The following CD81 variants were observed in gnomAD, a reference collection of about 807,000 sequenced individuals.
CD81 encodes the protein CD81 antigen.
CD81 carries 10 observed loss-of-function variants against 30.1 expected under a neutral mutation model. The observed-to-expected ratio is 0.33, with a 90% confidence interval of 0.21 to 0.56. The LOEUF (loss-of-function observed/expected upper bound fraction) is 0.56, where lower values mean the gene tolerates loss of function less well. Among genes scored for constraint, CD81 ranks in the 20% least tolerant of loss-of-function variants. The pLI, the probability that CD81 is intolerant of heterozygous loss-of-function variation, is 0.89. For missense variants in CD81, 263 were observed against 308.7 expected, an observed-to-expected ratio of 0.85 and a Z score of 1.11; for synonymous variants, 147 against 126.4, an observed-to-expected ratio of 1.16 and a Z score of -1.10.
At chr11:2,395,779 C>T (rs1268002559) in intron 5 of CD81, 90 bp from the exon 6 acceptor site, 37 of 891,614 alleles carry the variant, frequency 4.1e-5, no homozygotes, top group South Asian at 3.3e-4. Context: ...GGGAGCGCTG[C>T]GTACCCCTGG....
chr11:2,382,210 GCC>G (rs1405706085), intron 1 of CD81, among the ~76,000 whole-genome samples: 1 of 152,242 alleles, frequency 6.6e-6, no homozygotes, highest in Non-Finnish European at 1.5e-5. Flanking sequence ...TAAGGCATCT[GCC>G]CCCCACCCCC....
intron 7 of CD81, 38 bp downstream of exon 7, chr11:2,396,752 G>T: frequency 6.2e-7 from 1 of 1,611,644 alleles, no homozygotes. Flanking sequence ...TCTCTGGGCT[G>T]CCCCTTCCGC....
At position 2,397,126 on chromosome 11, in the gene CD81, G is replaced by A; in HGVS notation, c.*260G>A. ...GAGGGCAGGGGTCCTTCTGCCCTGG[G>A]GTCCCAGGGTGCTCTGCCTGCTCAG... On this transcript the variant is annotated 3_prime_UTR_variant, in exon 8 of 8. Transcript: ENST00000263645. The A allele has an allele frequency of 1.1e-5, 6 of 533,836 alleles. No homozygotes were observed. In the East Asian group the frequency reaches 2.0e-4, roughly 17 times the overall value. The allele number at this position is 533,836 out of a possible 1,614,324, so 33.1% of individuals were successfully genotyped here.
At chr11:2,395,572 G>A in intron 5 of CD81, 52 bp downstream of exon 5, 1 of 1,404,118 alleles carries the variant, frequency 7.1e-7, no homozygotes, top group Non-Finnish European at 1.0e-6. Context: ...AACCCGGCGG[G>A]GTGTGTCTCG....
chr11:2,387,982 A>AGG (rs1474300650), intron 1 of CD81, among the ~76,000 whole-genome samples: 1 of 152,200 alleles, frequency 6.6e-6, no homozygotes, highest in Non-Finnish European at 1.5e-5. Flanking sequence ...GTCCTGCTAC[A>AGG]GGGGGACCAT....
intron 1 of CD81, among the ~76,000 whole-genome samples, chr11:2,389,870 C>T (rs1408315025): frequency 1.3e-5 from 2 of 152,228 alleles, no homozygotes; most frequent in East Asian, 3.9e-4. Context: ...CCAGAGTTCT[C>T]AGCACCCCCA....
chr11:2,385,393 C>T (rs932455775), intron 1 of CD81, among the ~76,000 whole-genome samples: 4 of 152,206 alleles, frequency 2.6e-5, no homozygotes, highest in African/African-American at 9.6e-5. Flanking sequence ...TGGGTGCACA[C>T]AGCATGCATT....
rs769074665 is a variant in CD81 at position 2,394,156 on chromosome 11, C to T, written c.243C>T (p.Tyr81=). The part of the protein sequence containing the change: ...VMMFVGFLGC[Y]GAIQESQCLL... ...TGTTCGTTGGCTTCCTGGGCTGCTA[C>T]GGGGCCATCCAGGAATCCCAGTGCC... Residue 81 remains tyrosine, a synonymous_variant, in exon 3 of 8, where the codon TAC becomes TAT. Transcript: ENST00000263645. 8.7e-6 allele frequency: 14 copies of T among 1,613,054 alleles called. No individual in the cohort carries two copies. Among genetic ancestry groups the T allele is most frequent in the Non-Finnish European group, 1.1e-5 (13 of 1,179,792 alleles).
At chr11:2,396,449 A>G (rs1850005672) in intron 6 of CD81, 179 bp from the exon 7 acceptor site, 3 of 650,616 alleles carry the variant, frequency 4.6e-6, no homozygotes, top group Non-Finnish European at 8.3e-6. Flanking sequence ...GGTGGAAGAT[A>G]GCAAGCCGGC....
intron 1 of CD81, among the ~76,000 whole-genome samples, chr11:2,381,936 C>T (rs1402911273): frequency 6.6e-6 from 1 of 152,118 alleles, no homozygotes; most frequent in Non-Finnish European, 1.5e-5. Flanking sequence ...AACCTCTGGA[C>T]TTACTCAGTG....
chr11:2,377,567 C>T lies in CD81; in HGVS notation c.18C>T (p.Cys6=), dbSNP rs773538306. 3 of 1,512,590 alleles carry T rather than the reference C, an allele frequency of 2.0e-6. No homozygotes were observed. The highest frequency in any genetic ancestry group is 2.7e-5 in the East Asian group (1 of 36,826). 93.7% of individuals were successfully genotyped at this position (1,512,590 alleles called of 1,614,324 possible). MGVEG[C]TKCIKYLLFV... ...GCGCCGCCATGGGAGTGGAGGGCTGCACCAAGTGCATCAAGTACCTGCTCT... is the reference window on the plus strand; with the variant it reads ...GCGCCGCCATGGGAGTGGAGGGCTGTACCAAGTGCATCAAGTACCTGCTCT... Residue 6 remains cysteine (C), a synonymous_variant, in exon 1 of 8, where the codon TGC becomes TGT. Coordinates refer to ENST00000263645, the MANE Select transcript of CD81 (RefSeq NM_004356.4). This position sits in a 1 kb window ranked among gnomAD's most constrained non-coding sequence, Gnocchi z 7.7.
chr11:2,395,114 G>T, intron 4 of CD81, 68 bp downstream of exon 4: 2 of 1,367,332 alleles, frequency 1.5e-6, no homozygotes, highest in South Asian at 1.2e-5. Context: ...TGTCGCGGGT[G>T]GGGGTTGGGC....
intron 2 of CD81, 62 bp from the exon 3 acceptor site, chr11:2,394,033 C>A: frequency 7.5e-7 from 1 of 1,339,944 alleles, no homozygotes; most frequent in Non-Finnish European, 1.1e-6. Flanking sequence ...ACCCAGGACC[C>A]TCCGGGGTCT....
At chr11:2,394,938 C>T (rs1227011999) in intron 3 of CD81, 34 bp from the exon 4 acceptor site, 1 of 1,603,028 alleles carries the variant, frequency 6.2e-7, no homozygotes, top group South Asian at 1.1e-5. Context: ...ACAGCCTGCC[C>T]TCTTTCCTCC....
rs1162502813 is a variant in CD81, at chr11:2,386,506, C to T, written c.67-3906C>T. 3 of 712,964 alleles carry T rather than the reference C, an allele frequency of 4.2e-6. No homozygotes were observed. The Admixed American group carries it at 6.0e-5, about 14-fold the overall frequency. 44.2% of individuals were successfully genotyped at this position (712,964 alleles called of 1,614,324 possible). On this transcript the variant is annotated intron_variant, in intron 1 of 7. Coordinates refer to ENST00000263645, the MANE Select transcript of CD81 (RefSeq NM_004356.4). ...TAGGGGGGTCCCTCCGCCTCCGTTT[C>T]CTCATCCAGAAACCGGCAGTGACCA...
chr11:2,396,994 C>A lies in CD81; in HGVS notation c.*128C>A. On this transcript the variant is annotated 3_prime_UTR_variant, in exon 8 of 8. Coordinates refer to ENST00000263645, the MANE Select transcript of CD81 (RefSeq NM_004356.4). ...TACTCTGCTACACGTAGCCTTTTTA[C>A]TTTTGGGGTTTTGTTTTTGTTCTGA... The A allele has an allele frequency of 3.3e-6, 3 of 915,766 alleles. No homozygotes were observed. Among genetic ancestry groups the A allele is most frequent in the Non-Finnish European group, 5.1e-6 (3 of 583,792 alleles). 56.7% of individuals were successfully genotyped at this position (915,766 alleles called of 1,614,324 possible).
intron 1 of CD81, among the ~76,000 whole-genome samples, chr11:2,384,492 G>A (rs558050845): frequency 8.6e-6 from 1 of 116,616 alleles, no homozygotes; most frequent in African/African-American, 3.2e-5. Flanking sequence ...GTGGGGTAGG[G>A]CGGCTTGTGG....
At chr11:2,395,268 A>T in intron 4 of CD81, 148 bp from the exon 5 acceptor site, 1 of 749,562 alleles carries the variant, frequency 1.3e-6, no homozygotes, top group African/African-American at 1.7e-5. Flanking sequence ...GGCAGCTGAG[A>T]GTGCAGAGTC....
chr11:2,382,876 T>C (rs1267549159), intron 1 of CD81, among the ~76,000 whole-genome samples: 2 of 151,968 alleles, frequency 1.3e-5, no homozygotes, highest in Non-Finnish European at 2.9e-5. Context: ...ACCCCAGGGG[T>C]TTCCGAGGGG....
Sources: allele counts gnomAD v4.1 joint callset (sites outside exome capture counted in the v4.1 genomes callset), GRCh38; gene constraint gnomAD v4.1.1; non-coding constraint Gnocchi (gnomAD v3.1); transcripts MANE v1.5; gene names NCBI Gene and HGNC (gene_info 2026-07-23, HGNC 2026-07-21).